CIT: variants seen among roughly 807,000 people sequenced by gnomAD.
The protein encoded by CIT is citron rho-interacting serine/threonine kinase, also known as citron Rho-interacting kinase.
A neutral mutation model predicts 272.7 loss-of-function variants in CIT; 79 were observed. The observed-to-expected ratio is 0.29, with a 90% CI of 0.24 to 0.35. The LOEUF is 0.35. Ranked by LOEUF, CIT falls within the 10% of genes least tolerant of loss-of-function variation. The pLI, the probability that CIT is intolerant of heterozygous loss-of-function variation, is 1.00. For synonymous variants in CIT, 948 were observed against 995.6 expected (o/e 0.95, Z 0.90); for missense variants, 1,909 against 2,618.3 (o/e 0.73, Z 5.91).
intron 5 of CIT, among the ~76,000 whole-genome samples, chr12:119,848,630 G>A (rs897342014): frequency 2.0e-5 from 3 of 152,244 alleles, no homozygotes; most frequent in African/African-American, 7.2e-5. Flanking sequence ...AAGAAAGGAT[G>A]TCTGGGATAC....
At chr12:119,858,270 A>G (rs1716840398) in intron 3 of CIT, among the ~76,000 whole-genome samples, 1 of 152,128 alleles carries the variant, frequency 6.6e-6, no homozygotes, top group African/African-American at 2.4e-5. Context: ...TAATCCCAAC[A>G]CTTTGGGAGG....
At chr12:119,696,251 A>T (rs535017012) in intron 46 of CIT, among the ~76,000 whole-genome samples, 63 of 152,288 alleles carry the variant, frequency 4.1e-4, no homozygotes, top group African/African-American at 1.3e-3. Context: ...AGTAAAATTT[A>T]AAAAGAATGC....
intron 24 of CIT, among the ~76,000 whole-genome samples, chr12:119,736,970 TG>T (rs972519321): frequency 2.0e-5 from 3 of 152,222 alleles, no homozygotes; most frequent in Admixed American, 1.3e-4. Flanking sequence ...TGACCTTTGC[TG>T]GGTTGGTTTC....
chr12:119,862,919 G>A (rs1360508025), intron 3 of CIT, among the ~76,000 whole-genome samples: 1 of 144,148 alleles, frequency 6.9e-6, no homozygotes, highest in Admixed American at 7.0e-5. Context: ...GGCTGACATT[G>A]GGCCGGGTGC....
rs71451855 is a variant in CIT, at chr12:119,694,806, GA to G, written c.5882+2852del. ...TGGGCACAGAGTGAGACCCTACCTC[GA>G]AAAAAAATAAATAAATAAAAATAAA... On this transcript the variant is annotated intron_variant, in intron 46 of 47. Transcript: ENST00000392521. The surrounding 1 kb of genome is among the most constrained non-coding windows in gnomAD (Gnocchi z 4.5). Among the ~76,000 whole-genome samples the G allele has an allele frequency of 2.0e-5, 3 of 150,330 alleles. No individual in the cohort carries two copies. The highest frequency in any genetic ancestry group is 3.0e-5 in the Non-Finnish European group (2 of 67,366).
chr12:119,791,630 G>C (rs1169633727), intron 10 of CIT, among the ~76,000 whole-genome samples: 5 of 152,214 alleles, frequency 3.3e-5, no homozygotes, highest in Non-Finnish European at 4.4e-5. Context: ...TATCCCCATG[G>C]AGAGAAAAGG....
intron 2 of CIT, among the ~76,000 whole-genome samples, chr12:119,874,702 C>A (rs1950786895): frequency 6.6e-6 from 1 of 151,982 alleles, no homozygotes; most frequent in East Asian, 1.9e-4. Flanking sequence ...CTGACTAACA[C>A]AGTGAAACCC....
In CIT at chr12:119,721,993, A is replaced by G. The variant is rs190459288; in HGVS notation, c.3592-544T>C. On this transcript the variant is annotated intron_variant, in intron 28 of 47. Transcript: ENST00000392521. ...AAGTACATGAATAACCACAATCATG[A>G]GACATATTTCTACAACGTTGGGGGA... is the stretch of plus-strand genomic sequence containing the variant. Among the ~76,000 whole-genome samples, 302 of 152,342 alleles carry G rather than the reference A, an allele frequency of 2.0e-3. 3 individuals are homozygous for G. The highest frequency in any genetic ancestry group is 6.9e-3 in the African/African-American group (286 of 41,574).
intron 7 of CIT, among the ~76,000 whole-genome samples, chr12:119,829,593 GTTGA>G (rs1369620797): frequency 6.6e-6 from 1 of 152,146 alleles, no homozygotes; most frequent in African/African-American, 2.4e-5. Context: ...GCCAAATGGG[GTTGA>G]TTATCACTTA....
chr12:119,756,293 C>T (rs904416750), intron 22 of CIT, among the ~76,000 whole-genome samples: 5 of 152,164 alleles, frequency 3.3e-5, no homozygotes, highest in Non-Finnish European at 5.9e-5. Context: ...AACACAGGAA[C>T]GAAGCAGCGA....
At chr12:119,795,038 G>GT (rs1491002327) in intron 10 of CIT, among the ~76,000 whole-genome samples, 2 of 152,188 alleles carry the variant, frequency 1.3e-5, no homozygotes, top group Non-Finnish European at 1.5e-5. Context: ...CTTTGAATGG[G>GT]TATGCTACAG....
At chr12:119,797,347 C>T (rs1431385373) in intron 10 of CIT, among the ~76,000 whole-genome samples, 1 of 152,110 alleles carries the variant, frequency 6.6e-6, no homozygotes, top group African/African-American at 2.4e-5. Flanking sequence ...AAGGCAGGCA[C>T]GCACAGTCTA....
In CIT at chr12:119,850,215, G is replaced by A. The variant is rs1970112462; in HGVS notation, c.475C>T (p.Gln159Ter). The A allele has an allele frequency of 6.2e-7, 1 of 1,613,242 alleles. No individual in the cohort carries two copies. The highest frequency in any genetic ancestry group is 1.3e-5 in the African/African-American group (1 of 74,850). The stretch of plus-strand genomic sequence containing the variant: ...TTGTCCTGAAAGGCATACTGTAATT[G>A]GGGGATCCACGGGCTTGTGCTTCGA... ...LSRSTSPWIP[Q>*]LQYAFQDKNH... Residue 159 changes from glutamine (Q) to a stop codon, truncating the protein, a stop_gained, in exon 5 of 48, where the codon CAA becomes TAA. Coordinates refer to ENST00000392521, the MANE Select transcript of CIT (RefSeq NM_001206999.2). LOFTEE classifies it high-confidence loss of function.
intron 2 of CIT, among the ~76,000 whole-genome samples, chr12:119,875,559 C>A (rs1281185179): frequency 6.6e-6 from 1 of 152,036 alleles, no homozygotes; most frequent in Non-Finnish European, 1.5e-5. Flanking sequence ...GCCTGGGCAA[C>A]ACAGTGAGAC....
At chr12:119,734,426 G>A in intron 25 of CIT, 69 bp from the exon 26 acceptor site, 1 of 1,534,234 alleles carries the variant, frequency 6.5e-7, no homozygotes, top group Non-Finnish European at 8.9e-7. Flanking sequence ...ACTTTGGTCG[G>A]GTCAGTTTCA....
chr12:119,714,159 A>G, intron 33 of CIT, 38 bp downstream of exon 33: 6 of 1,607,884 alleles, frequency 3.7e-6, no homozygotes, highest in Non-Finnish European at 5.1e-6. Context: ...CTGGAGATGC[A>G]CAGGTGCCCA....
chr12:119,788,743 G>A (rs749102203), intron 10 of CIT, among the ~76,000 whole-genome samples: 15 of 152,156 alleles, frequency 9.9e-5, no homozygotes, highest in Admixed American at 5.2e-4. Flanking sequence ...CCCACCCGCC[G>A]GCACTCGAAA....
At chr12:119,834,562 G>C (rs533436755) in intron 5 of CIT, among the ~76,000 whole-genome samples, 1 of 152,138 alleles carries the variant, frequency 6.6e-6, no homozygotes, top group African/African-American at 2.4e-5. Context: ...CAGTGTAGAC[G>C]GATATTCCTA....
At chr12:119,750,064 G>T (rs278131) in intron 23 of CIT, among the ~76,000 whole-genome samples, 1 of 152,058 alleles carries the variant, frequency 6.6e-6, no homozygotes. Flanking sequence ...AAAAGCTAAA[G>T]ACACAGCATT....
Sources: gnomAD v4.1 joint callset for allele counts (sites outside exome capture counted in the v4.1 genomes callset) on GRCh38, gnomAD v4.1.1 for gene constraint, Gnocchi (gnomAD v3.1) non-coding constraint, MANE v1.5 for transcripts, NCBI Gene and HGNC (gene_info 2026-07-23, HGNC 2026-07-21) for gene names.